SLC6A19: variants seen among roughly 807,000 people sequenced by gnomAD.
SLC6A19 encodes the protein solute carrier family 6 member 19.
SLC6A19 carries 67 observed loss-of-function variants against 68.3 expected under a neutral mutation model. That is an observed-to-expected ratio of 0.98 (90% CI 0.81 to 1.20). The LOEUF is 1.20. Among genes scored for constraint, SLC6A19 ranks in the 50% most tolerant of loss-of-function variants. The pLI is 0.00. For synonymous variants in SLC6A19, 392 were observed against 374.9 expected (o/e 1.05, Z -0.53); for missense variants, 813 against 851.6 (o/e 0.95, Z 0.56).
At chr5:1,211,463 G>C (rs1168021170) in intron 3 of SLC6A19, among the ~76,000 whole-genome samples, 1 of 152,256 alleles carries the variant, frequency 6.6e-6, no homozygotes, top group Non-Finnish European at 1.5e-5. Context: ...ACAGGGAAGA[G>C]GGAGCAGCGT....
rs1251095994 is a variant in SLC6A19 at position 1,201,846 on chromosome 5, G to A, written c.196G>A (p.Gly66Arg). ...WRFPYLCQSH[G>R]GGAFMIPFLI... The stretch of plus-strand genomic sequence containing the variant: ...CTTCCCCTACCTGTGTCAGAGCCAC[G>A]GAGGAGGTAGGCTGGCCGGGCGGGG... The change falls in exon 1 of 12, where the codon GGA (glycine) becomes AGA (arginine). Residue 66 changes from glycine to arginine, a missense_variant. Gly to Arg is a moderately radical substitution (Grantham distance 125, BLOSUM62 -2). Coordinates refer to ENST00000304460, the MANE Select transcript of SLC6A19 (RefSeq NM_001003841.3). 5 of 1,610,120 alleles carry A rather than the reference G, an allele frequency of 3.1e-6. No homozygotes were observed. The highest frequency in any genetic ancestry group is 1.7e-5 in the Admixed American group (1 of 59,964).
At chr5:1,208,941 C>A (rs1297399592) in intron 2 of SLC6A19, 55 bp downstream of exon 2, 20 of 1,566,966 alleles carry the variant, frequency 1.3e-5, no homozygotes, top group Non-Finnish European at 1.7e-6. Context: ...TGCTGGGAAG[C>A]CGTTCCACCC....
In SLC6A19 at chr5:1,210,492, C is replaced by T. The variant is rs1022717759; in HGVS notation, c.392C>T (p.Thr131Ile). 8 of 1,613,518 alleles carry T rather than the reference C, an allele frequency of 5.0e-6. No individual in the cohort carries two copies. Among genetic ancestry groups the T allele is most frequent in the East Asian group, 2.2e-5 (1 of 44,880 alleles). Residue 131 changes from threonine (T) to isoleucine (I), a missense_variant, in exon 3 of 12, where the codon ACC becomes ATC. By Grantham distance (89) the Thr-to-Ile change is moderately conservative (BLOSUM62 -1). Transcript: ENST00000304460. ...TSFMVGLYYN[T>I]IISWIMWYLF... is the part of the protein sequence containing the mutation. The stretch of plus-strand genomic sequence containing the variant: ...TTCATGGTGGGACTGTATTACAACA[C>T]CATCATCTCCTGGATCATGTGGTAC...
At position 1,209,423 on chromosome 5, in the gene SLC6A19, A is replaced by T. The variant is rs1178440986; in HGVS notation, c.343+537A>T. On this transcript the variant is annotated intron_variant, in intron 2 of 11. Transcript: ENST00000304460. This position sits in a 1 kb window ranked among gnomAD's most constrained non-coding sequence, Gnocchi z 5.5. Reference sequence around the variant, plus strand: ...GGAAAGGGCAGGGTCCACTCCAGAGAGGAGTCTGAGTCCAGGAAGCACCTG... The same window carrying T: ...GGAAAGGGCAGGGTCCACTCCAGAGTGGAGTCTGAGTCCAGGAAGCACCTG... Among the ~76,000 whole-genome samples the T allele has an allele frequency of 6.6e-6, 1 of 152,100 alleles. No individual in the cohort carries two copies. The highest frequency in any genetic ancestry group is 1.5e-5 in the Non-Finnish European group (1 of 67,992).
intron 1 of SLC6A19, among the ~76,000 whole-genome samples, chr5:1,205,064 C>T (rs1256994226): frequency 6.6e-6 from 1 of 152,144 alleles, no homozygotes; most frequent in South Asian, 2.1e-4. Flanking sequence ...TTGGCCACGT[C>T]CCCACCCCAT....
chr5:1,222,099 G>A lies in SLC6A19; in HGVS notation c.*195G>A. 1 of 356,028 alleles carries A rather than the reference G, an allele frequency of 2.8e-6. No individual in the cohort carries two copies. Among genetic ancestry groups the A allele is most frequent in the Non-Finnish European group, 5.9e-6 (1 of 168,466 alleles). The allele number at this position is 356,028 out of a possible 1,614,324, so 22.1% of individuals were successfully genotyped here. A position where few individuals can be genotyped will look rare whatever the true frequency, so the allele number is the denominator to read the frequency against. On this transcript the variant is annotated 3_prime_UTR_variant, in exon 12 of 12. Transcript: ENST00000304460. ...GTGTGCATGTACATGCATGGGCACT[G>A]TGTGAGTGTGCACGTGTATGCACAC...
Position 1,209,739 on chromosome 5 carries a change from C to T in SLC6A19, c.344-705C>T, listed in dbSNP as rs1457798391. On this transcript the variant is annotated intron_variant, in intron 2 of 11. Transcript: ENST00000304460. The surrounding 1 kb of genome is among the most constrained non-coding windows in gnomAD (Gnocchi z 5.5). ...CTCTGTCTTTTTTTCTTTCCCCCTC[C>T]TATTCTCTCTGTCTCTTCCCTCTTC... Among the ~76,000 whole-genome samples the T allele has an allele frequency of 8.6e-5, 13 of 150,966 alleles. No homozygotes were observed. The highest frequency in any genetic ancestry group is 3.2e-4 in the African/African-American group (13 of 41,098).
At chr5:1,216,468 G>C in intron 6 of SLC6A19, 90 bp from the exon 7 acceptor site, 4 of 1,591,120 alleles carry the variant, frequency 2.5e-6, no homozygotes, top group Non-Finnish European at 3.4e-6. Flanking sequence ...CCTGGGGCTG[G>C]CGCTCTGGGC....
In SLC6A19 at chr5:1,209,350, C is replaced by G. The variant is rs971926296; in HGVS notation, c.343+464C>G. ...CCAGTGCAGCCTCACCAAGAGGACA[C>G]GGCTCATTAAGCCCTCAGAATATGG... On this transcript the variant is annotated intron_variant, in intron 2 of 11. Transcript: ENST00000304460. The surrounding 1 kb of genome is among the most constrained non-coding windows in gnomAD (Gnocchi z 5.5). Among the ~76,000 whole-genome samples the G allele has an allele frequency of 6.6e-6, 1 of 152,144 alleles. No individual in the cohort carries two copies. Among genetic ancestry groups the G allele is most frequent in the Non-Finnish European group, 1.5e-5 (1 of 68,024 alleles).
At chr5:1,221,363 A>T in intron 11 of SLC6A19, 50 bp downstream of exon 11, 2 of 1,602,020 alleles carry the variant, frequency 1.2e-6, no homozygotes, top group Non-Finnish European at 1.7e-6. Context: ...GGGGAAGGGG[A>T]AAGGAGGACA....
Position 1,214,183 on chromosome 5 carries a change from C to G in SLC6A19, c.887+118C>G, listed in dbSNP as rs867841843. ...CTGTGTGGCCGGGGCCTTGCTGCCC[C>G]GATGGGCCCGTTCCCTCCTGCTCGG... On this transcript the variant is annotated intron_variant, in intron 6 of 11. Coordinates refer to ENST00000304460, the MANE Select transcript of SLC6A19 (RefSeq NM_001003841.3). This position sits in a 1 kb window ranked among gnomAD's most constrained non-coding sequence, Gnocchi z 7.4. The G allele has an allele frequency of 2.0e-6, 3 of 1,536,378 alleles. No individual in the cohort carries two copies. Among genetic ancestry groups the G allele is most frequent in the Non-Finnish European group, 2.6e-6 (3 of 1,140,652 alleles).
At position 1,212,517 on chromosome 5, in the gene SLC6A19, T is replaced by G. The variant is rs1746073074; in HGVS notation, c.663+33T>G. The G allele has an allele frequency of 6.2e-7, 1 of 1,600,878 alleles. No individual in the cohort carries two copies. Among genetic ancestry groups the G allele is most frequent in the South Asian group, 1.1e-5 (1 of 90,980 alleles). On this transcript the variant is annotated intron_variant, in intron 4 of 11. Coordinates refer to ENST00000304460, the MANE Select transcript of SLC6A19 (RefSeq NM_001003841.3). The surrounding 1 kb of genome is among the most constrained non-coding windows in gnomAD (Gnocchi z 5.1). ...ATGGGCCCGGCCAGGCTGCAGGTGC[T>G]CCAGAGGGCGGGTGCGGGCAGCCCT...
chr5:1,214,754 C>T lies in SLC6A19; in HGVS notation c.887+689C>T, dbSNP rs1746157779. 6.6e-6 allele frequency among the ~76,000 whole-genome samples: 1 copy of T among 151,464 alleles called. No individual in the cohort carries two copies. ...GAGGACTCCTAGGGGTCAGGGTGGC[C>T]CTCCAGGCTGTGAAGGTGCGATTGG... On this transcript the variant is annotated intron_variant, in intron 6 of 11. Coordinates refer to ENST00000304460, the MANE Select transcript of SLC6A19 (RefSeq NM_001003841.3). This position sits in a 1 kb window ranked among gnomAD's most constrained non-coding sequence, Gnocchi z 7.4.
At chr5:1,204,129 C>A (rs902194729) in intron 1 of SLC6A19, among the ~76,000 whole-genome samples, 1 of 152,220 alleles carries the variant, frequency 6.6e-6, no homozygotes, top group Non-Finnish European at 1.5e-5. Flanking sequence ...GAGACCAAAT[C>A]GAGGGGAAGC....
At chr5:1,210,878 C>T (rs1215410973) in intron 3 of SLC6A19, among the ~76,000 whole-genome samples, 2 of 152,136 alleles carry the variant, frequency 1.3e-5, no homozygotes, top group African/African-American at 2.4e-5. Flanking sequence ...GGAGGCTGCT[C>T]CCTATTCTCT....
intron 1 of SLC6A19, among the ~76,000 whole-genome samples, chr5:1,206,898 G>A (rs2126495039): frequency 6.6e-6 from 1 of 152,292 alleles, no homozygotes; most frequent in South Asian, 2.1e-4. Flanking sequence ...ACACCCCCAG[G>A]CCCTTCAGCC....
Position 1,214,087 on chromosome 5 carries a change from C to T in SLC6A19, c.887+22C>T, listed in dbSNP as rs1329836382. The T allele has an allele frequency of 3.1e-6, 5 of 1,613,456 alleles. No homozygotes were observed. In the African/African-American group the frequency reaches 6.7e-5, roughly 22 times the overall value. The stretch of plus-strand genomic sequence containing the variant: ...TGCAGTGAGTGCGGGTGTGGTGGGC[C>T]TCAGTTTCCCTCTCAGTCCTGGGGG... On this transcript the variant is annotated intron_variant, in intron 6 of 11. Coordinates refer to ENST00000304460, the MANE Select transcript of SLC6A19 (RefSeq NM_001003841.3). The surrounding 1 kb of genome is among the most constrained non-coding windows in gnomAD (Gnocchi z 7.4).
chr5:1,205,224 C>T (rs1745821077), intron 1 of SLC6A19, among the ~76,000 whole-genome samples: 1 of 152,272 alleles, frequency 6.6e-6, no homozygotes, highest in African/African-American at 2.4e-5. Flanking sequence ...GCTGGCCGCC[C>T]CTTTCCTTCT....
At chr5:1,220,601 G>A (rs1332904153) in intron 10 of SLC6A19, among the ~76,000 whole-genome samples, 6 of 152,168 alleles carry the variant, frequency 3.9e-5, no homozygotes, top group African/African-American at 1.2e-4. Flanking sequence ...CGTGAGACCA[G>A]CTCCTCCTCA....
Sources: gnomAD v4.1 joint callset for allele counts (sites outside exome capture counted in the v4.1 genomes callset) on GRCh38, gnomAD v4.1.1 for gene constraint, Gnocchi (gnomAD v3.1) non-coding constraint, MANE v1.5 for transcripts, NCBI Gene and HGNC (gene_info 2026-07-23, HGNC 2026-07-21) for gene names.